Variants in NUB1 observed in about 807,000 individuals in gnomAD.
NUB1 encodes the protein negative regulator of ubiquitin like proteins 1, also known as NEDD8 ultimate buster 1.
In NUB1, 41 loss-of-function variants were observed where a neutral mutation model predicts 77.1. The ratio of observed to expected loss-of-function variants is 0.53; its 90% CI spans 0.41 to 0.69. The LOEUF (loss-of-function observed/expected upper bound fraction) is 0.69, where lower values mean the gene tolerates loss of function less well. NUB1 is among the 30% of genes least tolerant of loss of function. The pLI is 0.00. For missense variants in NUB1, 643 were observed against 743.8 expected (o/e 0.86, Z 1.58); for synonymous variants, 257 against 281.0 (o/e 0.91, Z 0.85).
chr7:151,368,740 T>C lies in NUB1; in HGVS notation c.1101T>C (p.Arg367=), dbSNP rs765512622. ...VEAYEYLNKA[R]QLFKELYIDP... is the part of the protein sequence containing the mutation. The stretch of plus-strand genomic sequence containing the variant: ...TTACATTTCCCTGTCTCTAGGCACG[T>C]CAGCTCTTTAAAGAGCTATATATTG... Residue 367 remains arginine, a synonymous_variant, in exon 11 of 15, where the codon CGT becomes CGC. Transcript: ENST00000568733. The C allele has an allele frequency of 1.2e-6, 2 of 1,606,082 alleles. No individual in the cohort carries two copies. The highest frequency in any genetic ancestry group is 2.7e-5 in the African/African-American group (2 of 74,754).
At chr7:151,357,544 T>C (rs1563017729) in intron 7 of NUB1, among the ~76,000 whole-genome samples, 1 of 152,192 alleles carries the variant, frequency 6.6e-6, no homozygotes, top group Non-Finnish European at 1.5e-5. Context: ...TTTTTCTGTT[T>C]TTAAGGGATG....
intron 9 of NUB1, 111 bp from the exon 10 acceptor site, chr7:151,367,750 A>T: frequency 1.5e-6 from 1 of 670,040 alleles, no homozygotes; most frequent in Non-Finnish European, 2.5e-6. Context: ...TGGACATTTT[A>T]ATACCTATCA....
At chr7:151,369,871 G>T (rs1287662833) in intron 11 of NUB1, among the ~76,000 whole-genome samples, 1 of 152,204 alleles carries the variant, frequency 6.6e-6, no homozygotes, top group Non-Finnish European at 1.5e-5. Context: ...AGCCTCAGGG[G>T]TATTTGGATG....
At chr7:151,367,805 T>C (rs1797765411) in intron 9 of NUB1, 56 bp from the exon 10 acceptor site, 3 of 1,105,006 alleles carry the variant, frequency 2.7e-6, no homozygotes, top group Middle Eastern at 4.0e-4. Context: ...ATGAGTATTA[T>C]AGACCTGTAA....
intron 7 of NUB1, among the ~76,000 whole-genome samples, chr7:151,357,371 G>T (rs186935191): frequency 6.6e-6 from 1 of 151,340 alleles, no homozygotes; most frequent in East Asian, 2.0e-4. Flanking sequence ...TGATCCGCCC[G>T]CCTCGGCCTC....
At chr7:151,344,617 GAAA>G (rs1796392247) in intron 1 of NUB1, among the ~76,000 whole-genome samples, 1 of 151,500 alleles carries the variant, frequency 6.6e-6, no homozygotes, top group Non-Finnish European at 1.5e-5. Context: ...ACACCCATCC[GAAA>G]ATATTTATTA....
At chr7:151,350,125 C>G (rs1292322806) in intron 3 of NUB1, among the ~76,000 whole-genome samples, 1 of 152,360 alleles carries the variant, frequency 6.6e-6, no homozygotes, top group East Asian at 1.9e-4. Flanking sequence ...TCAGAAAGAT[C>G]AAAGACGTTA....
At chr7:151,365,377 G>A (rs1797621041) in intron 8 of NUB1, among the ~76,000 whole-genome samples, 1 of 150,638 alleles carries the variant, frequency 6.6e-6, no homozygotes, top group Non-Finnish European at 1.5e-5. Context: ...CTTGAGATAA[G>A]TGCATATTGA....
At chr7:151,376,425 T>A (rs781243823) in intron 13 of NUB1, 11 of 559,284 alleles carry the variant, frequency 2.0e-5, no homozygotes, top group Non-Finnish European at 3.1e-5. Flanking sequence ...AGATGGCTGC[T>A]CCCTGACGCA....
chr7:151,357,895 C>A (rs578138914), intron 7 of NUB1, among the ~76,000 whole-genome samples: 6 of 152,182 alleles, frequency 3.9e-5, no homozygotes, highest in Admixed American at 3.3e-4. Flanking sequence ...CAGGCATGAG[C>A]CACTGCGCCC....
At chr7:151,375,999 G>A in intron 13 of NUB1, 56 bp downstream of exon 13, 2 of 1,070,144 alleles carry the variant, frequency 1.9e-6, no homozygotes, top group East Asian at 4.8e-5. Context: ...GGGTTGCTTG[G>A]GGTAACCCGG....
chr7:151,343,654 A>G (rs1471230194), intron 1 of NUB1, among the ~76,000 whole-genome samples: 1 of 152,202 alleles, frequency 6.6e-6, no homozygotes, highest in Non-Finnish European at 1.5e-5. Context: ...TTGCTGTGCT[A>G]GTATGGGATG....
chr7:151,357,216 C>T (rs1187333569), intron 7 of NUB1, among the ~76,000 whole-genome samples: 8 of 145,358 alleles, frequency 5.5e-5, no homozygotes, highest in Admixed American at 2.8e-4. Flanking sequence ...GATGGAGTCT[C>T]GCTCTGTTGC....
At chr7:151,362,645 A>G (rs975808773) in intron 8 of NUB1, among the ~76,000 whole-genome samples, 6 of 152,232 alleles carry the variant, frequency 3.9e-5, no homozygotes, top group South Asian at 4.1e-4. Flanking sequence ...AAACCCAGGC[A>G]GAGCCTTGTG....
chr7:151,351,250 A>G, intron 3 of NUB1, 174 bp from the exon 4 acceptor site: 1 of 604,944 alleles, frequency 1.7e-6, no homozygotes. Context: ...CGTGCAGGTC[A>G]CAGGGTCAGC....
At chr7:151,371,390 T>G (rs1797952846) in intron 11 of NUB1, among the ~76,000 whole-genome samples, 1 of 107,516 alleles carries the variant, frequency 9.3e-6, no homozygotes, top group African/African-American at 3.6e-5. Flanking sequence ...ATCAGTGTCA[T>G]CCAGTCACAA....
intron 13 of NUB1, 42 bp downstream of exon 13, chr7:151,375,985 G>C: frequency 2.2e-6 from 3 of 1,352,148 alleles, no homozygotes; most frequent in Non-Finnish European, 3.2e-6. Context: ...GACAGCCTCG[G>C]GTGGGGTTGC....
At chr7:151,351,650 G>C (rs1458061487) in intron 4 of NUB1, among the ~76,000 whole-genome samples, 168 bp downstream of exon 4, 1 of 152,114 alleles carries the variant, frequency 6.6e-6, no homozygotes, top group African/African-American at 2.4e-5. Flanking sequence ...GCTGTCACTG[G>C]TAGGTAAGTG....
intron 9 of NUB1, 29 bp from the exon 10 acceptor site, chr7:151,367,832 T>A (rs1263140664): frequency 7.0e-7 from 1 of 1,418,830 alleles, no homozygotes; most frequent in Non-Finnish European, 9.7e-7. Flanking sequence ...ATAAGGCAAT[T>A]TTATCCTTTT....
Sources: allele counts gnomAD v4.1 joint callset (sites outside exome capture counted in the v4.1 genomes callset), GRCh38; gene constraint gnomAD v4.1.1; transcripts MANE v1.5; gene names NCBI Gene and HGNC (gene_info 2026-07-23, HGNC 2026-07-21).